FBXO38: variants seen among roughly 807,000 people sequenced by gnomAD.
FBXO38 encodes the protein F-box protein 38.
Under a neutral mutation model 131.9 loss-of-function variants are expected in FBXO38, and 53 were observed. That is an observed-to-expected ratio of 0.40 (90% CI 0.32 to 0.51). FBXO38 has a LOEUF of 0.51. Among genes scored for constraint, FBXO38 ranks in the 20% least tolerant of loss-of-function variants. FBXO38 has a pLI of 0.53. For missense variants in FBXO38, 1,076 were observed against 1,475.6 expected, an observed-to-expected ratio of 0.73 and a Z score of 4.44; for synonymous variants, 452 against 505.6, an observed-to-expected ratio of 0.89 and a Z score of 1.42.
rs1453234833 is a variant in FBXO38, at chr5:148,404,786, A to G, written c.694A>G (p.Ile232Val). 6.8e-6 allele frequency: 11 copies of G among 1,608,410 alleles called. No individual in the cohort carries two copies. Among genetic ancestry groups the G allele is most frequent in the Non-Finnish European group, 9.3e-6 (11 of 1,178,272 alleles). ...KPQPFKDFLCISLRTFVMRNC... is the reference protein window; with the variant it reads ...KPQPFKDFLCVSLRTFVMRNC... ...ACAGCCATTTAAAGACTTCCTTTGT[A>G]TCAGCTTAAGAACTTTCGTCATGAG... Residue 232 changes from isoleucine (I) to valine (V), a missense_variant, in exon 6 of 22, where the codon ATC (isoleucine) becomes GTC (valine). By Grantham distance (29) the Ile-to-Val change is conservative. This residue lies in a region of FBXO38 where 66 missense variants were observed against 72.4 expected (regional missense o/e 0.91). Coordinates refer to ENST00000340253, the MANE Select transcript of FBXO38 (RefSeq NM_205836.3).
intron 1 of FBXO38, among the ~76,000 whole-genome samples, chr5:148,385,895 A>G (rs1176976941): frequency 6.6e-6 from 1 of 152,192 alleles, no homozygotes; most frequent in African/African-American, 2.4e-5. Flanking sequence ...GGAAGTTTCA[A>G]GTGAGAGGGG....
intron 1 of FBXO38, among the ~76,000 whole-genome samples, chr5:148,384,280 G>T (rs994329932): frequency 6.6e-6 from 1 of 152,216 alleles, no homozygotes; most frequent in African/African-American, 2.4e-5. Flanking sequence ...CCAAAATCCA[G>T]CATAAAGAAC....
intron 3 of FBXO38, 114 bp downstream of exon 3, chr5:148,399,246 C>T: frequency 8.3e-7 from 1 of 1,203,388 alleles, no homozygotes; most frequent in Non-Finnish European, 1.2e-6. Context: ...ACCTTGTAGG[C>T]TGGCAAGATT....
chr5:148,441,052 T>C (rs1754655668), intron 20 of FBXO38, 72 bp from the exon 21 acceptor site: 1 of 962,574 alleles, frequency 1.0e-6, no homozygotes, highest in East Asian at 2.4e-5. Flanking sequence ...TACATTCTGC[T>C]TACAAAATAC....
intron 1 of FBXO38, among the ~76,000 whole-genome samples, chr5:148,392,582 TG>T (rs1758256298): frequency 3.4e-5 from 1 of 29,034 alleles, no homozygotes; most frequent in South Asian, 1.1e-3. Flanking sequence ...TGCTTTTCTT[TG>T]TGTGTGTGTG....
intron 14 of FBXO38, 97 bp downstream of exon 14, chr5:148,425,798 T>A: frequency 9.6e-7 from 1 of 1,038,864 alleles, no homozygotes; most frequent in Non-Finnish European, 1.4e-6. Flanking sequence ...TTAACATATA[T>A]TACGGAATGT....
rs751242312 is a variant in FBXO38, at chr5:148,414,212, A to G, written c.1170A>G (p.Ile390Met). The change falls in exon 10 of 22, where the codon ATA becomes ATG. Residue 390 changes from isoleucine to methionine, a missense_variant. Ile to Met is a conservative substitution (Grantham distance 10, BLOSUM62 1). This residue lies in a region of FBXO38 where 146 missense variants were observed against 274.3 expected (regional missense o/e 0.53). Coordinates refer to ENST00000340253, the MANE Select transcript of FBXO38 (RefSeq NM_205836.3). ...AAAATCCTGGTATCATCACTGATAT[A>G]GGGATGAAAGCAGTCAATGAAGTTT... Reference protein sequence around the residue: ...VVENPGIITDIGMKAVNEVFS... With the variant: ...VVENPGIITDMGMKAVNEVFS... The G allele has an allele frequency of 3.1e-6, 5 of 1,612,922 alleles. No individual in the cohort carries two copies. The highest frequency in any genetic ancestry group is 4.2e-6 in the Non-Finnish European group (5 of 1,179,506).
At chr5:148,405,272 A>T (rs1752382160) in intron 6 of FBXO38, among the ~76,000 whole-genome samples, 1 of 152,192 alleles carries the variant, frequency 6.6e-6, no homozygotes, top group Non-Finnish European at 1.5e-5. Context: ...CACAGCCCAC[A>T]TGATGCCCAA....
Position 148,427,858 on chromosome 5 carries a change from G to T in FBXO38, c.2564G>T (p.Cys855Phe). ...AGGGGGAGCTCCCAGCCTGAGAGTT[G>T]TGACGTGCAGTCTAATGAAGACTAC... is the stretch of plus-strand genomic sequence containing the variant. ...DRRGSSQPES[C>F]DVQSNEDYPR... is the part of the protein sequence containing the mutation. The change falls in exon 15 of 22, where the codon TGT becomes TTT. Residue 855 changes from cysteine (C) to phenylalanine (F), a missense_variant. This residue lies in a region of FBXO38 where 213 missense variants were observed against 225.2 expected (regional missense o/e 0.95). Transcript: ENST00000340253. The T allele has an allele frequency of 6.3e-7, 1 of 1,589,114 alleles. No individual in the cohort carries two copies. The highest frequency in any genetic ancestry group is 1.2e-5 in the South Asian group (1 of 85,586).
chr5:148,432,861 CT>C (rs1434129536), intron 15 of FBXO38, among the ~76,000 whole-genome samples: 4 of 152,150 alleles, frequency 2.6e-5, no homozygotes, highest in Non-Finnish European at 5.9e-5. Flanking sequence ...ATCCAGGGTG[CT>C]TTGTTAAAAC....
rs370574839 is a variant in FBXO38, at chr5:148,433,537, C to A, written c.2754+13C>A. The A allele has an allele frequency of 1.6e-5, 25 of 1,591,352 alleles. No homozygotes were observed. Among genetic ancestry groups the A allele is most frequent in the Middle Eastern group, 1.7e-4 (1 of 6,024 alleles). On this transcript the variant is annotated intron_variant, in intron 16 of 21. Transcript: ENST00000340253. Reference sequence around the variant, plus strand: ...TGACCATGTGCAGGTAGAGAAAAAACCCTCACTTACCTTTATCACAGTCTA... The same window carrying A: ...TGACCATGTGCAGGTAGAGAAAAAAACCTCACTTACCTTTATCACAGTCTA...
Position 148,442,266 on chromosome 5 carries a change from TAGGGA to T in FBXO38, c.*121_*125del. Reference sequence around the variant, plus strand: ...GGAGGTCCTGGCTCGGTTTGCTATATAGGGAATATATAAGGAACATCGAAATTGTA... The same window carrying T: ...GGAGGTCCTGGCTCGGTTTGCTATATATATATAAGGAACATCGAAATTGTA... On this transcript the variant is annotated 3_prime_UTR_variant, in exon 22 of 22. Transcript: ENST00000340253. 2 of 785,028 alleles carry T rather than the reference TAGGGA, an allele frequency of 2.5e-6. No individual in the cohort carries two copies. Among genetic ancestry groups the T allele is most frequent in the Non-Finnish European group, 4.2e-6 (2 of 481,878 alleles). 48.6% of individuals were successfully genotyped at this position (785,028 alleles called of 1,614,324 possible).
chr5:148,402,130 A>G lies in FBXO38; in HGVS notation c.411A>G (p.Ala137=), dbSNP rs1404968408. 3.1e-6 allele frequency: 5 copies of G among 1,611,272 alleles called. No individual in the cohort carries two copies. Among genetic ancestry groups the G allele is most frequent in the East Asian group, 2.2e-5 (1 of 44,800 alleles). The change falls in exon 4 of 22, where the codon GCA becomes GCG. Residue 137 remains alanine (A), a synonymous_variant. Coordinates refer to ENST00000340253, the MANE Select transcript of FBXO38 (RefSeq NM_205836.3). ...CAGGAGTCCTAGAAGCTTTGCAGGC[A>G]TGCCCAAACTTAGTGGTGAGTGCAC... ...SIPGVLEALQ[A]CPNLVGVETS...
chr5:148,429,663 G>A (rs569343018), intron 15 of FBXO38, among the ~76,000 whole-genome samples: 33 of 152,188 alleles, frequency 2.2e-4, no homozygotes, highest in African/African-American at 7.2e-4. Flanking sequence ...TAACAGCACT[G>A]TGTCTTCCTG....
chr5:148,403,412 A>G (rs1392573966), intron 5 of FBXO38, among the ~76,000 whole-genome samples: 1 of 152,020 alleles, frequency 6.6e-6, no homozygotes, highest in Non-Finnish European at 1.5e-5. Flanking sequence ...TGAGACAGAA[A>G]GTGGTTTGGG....
intron 6 of FBXO38, among the ~76,000 whole-genome samples, chr5:148,405,109 C>T (rs904971406): frequency 6.6e-6 from 1 of 151,196 alleles, no homozygotes; most frequent in African/African-American, 2.4e-5. Flanking sequence ...AGTCTTCTTA[C>T]TTTGTTTCTG....
At chr5:148,437,728 T>G (rs1186368608) in intron 17 of FBXO38, among the ~76,000 whole-genome samples, 1 of 152,196 alleles carries the variant, frequency 6.6e-6, no homozygotes, top group Admixed American at 6.5e-5. Flanking sequence ...TTTTCTGACT[T>G]CATGTTTTAT....
At chr5:148,395,738 A>T (rs962219776) in intron 2 of FBXO38, among the ~76,000 whole-genome samples, 6 of 152,046 alleles carry the variant, frequency 3.9e-5, no homozygotes. Context: ...GTTAATGGTT[A>T]TTCTGCTTTT....
rs1561540059 is a variant in FBXO38, at chr5:148,427,655, A to G, written c.2361A>G (p.Arg787=). ...ACAGGCCCCAGGAATCCCAAAGGAG[A>G]ACTAGCAGGTGTTCTGATGAGGAAC... The part of the protein sequence containing the change: ...CCHRPQESQR[R]TSRCSDEERP... Residue 787 remains arginine (R), a synonymous_variant, in exon 15 of 22, where the codon AGA becomes AGG. Coordinates refer to ENST00000340253, the MANE Select transcript of FBXO38 (RefSeq NM_205836.3). The G allele has an allele frequency of 6.2e-7, 1 of 1,614,176 alleles. No individual in the cohort carries two copies. Among genetic ancestry groups the G allele is most frequent in the Non-Finnish European group, 8.5e-7 (1 of 1,180,036 alleles).
Sources: allele counts gnomAD v4.1 joint callset (sites outside exome capture counted in the v4.1 genomes callset), GRCh38; gene constraint gnomAD v4.1.1; regional missense constraint gnomAD v4.1.1; transcripts MANE v1.5; gene names NCBI Gene and HGNC (gene_info 2026-07-23, HGNC 2026-07-21).